The following PSMD9 variants were observed in gnomAD, a reference collection of about 807,000 sequenced individuals.
PSMD9 encodes 26S proteasome non-ATPase regulatory subunit 9.
A neutral mutation model predicts 25.9 loss-of-function variants in PSMD9; 26 were observed. The ratio of observed to expected loss-of-function variants is 1.00; its 90% confidence interval spans 0.73 to 1.39. The LOEUF (loss-of-function observed/expected upper bound fraction) is 1.39, where lower values mean the gene tolerates loss of function less well. Among genes scored for constraint, PSMD9 ranks in the 40% most tolerant of loss-of-function variants. The pLI is 0.00. For missense variants in PSMD9, 303 were observed against 299.3 expected (o/e 1.01, Z -0.09); for synonymous variants, 110 against 114.5 (o/e 0.96, Z 0.25).
chr12:121,893,834 C>T (rs1196863121), intron 1 of PSMD9: 6 of 152,222 alleles, frequency 3.9e-5, no homozygotes, highest in Admixed American at 2.6e-4. Flanking sequence ...GGGGTTAGCT[C>T]GTGGTTATCT....
Position 121,903,030 on chromosome 12 carries a change from G to T in PSMD9, c.478G>T (p.Val160Leu), listed in dbSNP as rs1460886394. The T allele has an allele frequency of 1.2e-5, 20 of 1,613,982 alleles. No individual in the cohort carries two copies. Among genetic ancestry groups the T allele is most frequent in the Non-Finnish European group, 1.6e-5 (19 of 1,179,982 alleles). ...IAGLQVDDEIVEFGSVNTQNF... is the reference protein window; with the variant it reads ...IAGLQVDDEILEFGSVNTQNF... ...GGGTCTGCAAGTGGATGATGAGATTGTGGAGTTCGGCTCTGTGAACACCCA... is the reference window on the plus strand; with the variant it reads ...GGGTCTGCAAGTGGATGATGAGATTTTGGAGTTCGGCTCTGTGAACACCCA... The change falls in exon 4 of 6, where the codon GTG (valine) becomes TTG (leucine). Residue 160 changes from valine (V) to leucine (L), a missense_variant. Val to Leu is a conservative substitution (Grantham distance 32). Transcript: ENST00000541212.
At chr12:121,903,237 A>C (rs1592945523) in intron 4 of PSMD9, 130 bp downstream of exon 4, 38 of 806,898 alleles carry the variant, frequency 4.7e-5, no homozygotes. Context: ...AGATCCAGGC[A>C]CCAGCCAATT....
At chr12:121,901,151 G>T (rs1354317694) in intron 3 of PSMD9, among the ~76,000 whole-genome samples, 2 of 151,990 alleles carry the variant, frequency 1.3e-5, no homozygotes, top group Non-Finnish European at 2.9e-5. Context: ...CATTGTCATT[G>T]TCTTGTAAAG....
intron 4 of PSMD9, among the ~76,000 whole-genome samples, chr12:121,903,961 T>A (rs1024993585): frequency 1.3e-5 from 2 of 151,940 alleles, no homozygotes; most frequent in African/African-American, 2.4e-5. Flanking sequence ...CCCAGGAAAA[T>A]TATTAACTAA....
At chr12:121,898,145 C>T (rs995811193) in intron 2 of PSMD9, 7 of 152,172 alleles carry the variant, frequency 4.6e-5, no homozygotes, top group Admixed American at 2.6e-4. Flanking sequence ...CCCACATCTG[C>T]TCCTGTGGGT....
At chr12:121,901,362 G>A (rs1879389325) in intron 3 of PSMD9, among the ~76,000 whole-genome samples, 1 of 151,964 alleles carries the variant, frequency 6.6e-6, no homozygotes, top group Non-Finnish European at 1.5e-5. Flanking sequence ...TGCTTCATTT[G>A]TTTACAGACA....
At chr12:121,909,016 G>A (rs1879639923) in intron 4 of PSMD9, among the ~76,000 whole-genome samples, 1 of 150,674 alleles carries the variant, frequency 6.6e-6, no homozygotes, top group East Asian at 1.9e-4. Context: ...GTTCCAGATT[G>A]GGGTGTGACA....
chr12:121,899,485 T>A (rs1473135755), intron 2 of PSMD9, 149 bp from the exon 3 acceptor site: 1 of 683,188 alleles, frequency 1.5e-6, no homozygotes, highest in Non-Finnish European at 2.5e-6. Context: ...CATGAGGGAA[T>A]GTCCTCTGTC....
intron 3 of PSMD9, among the ~76,000 whole-genome samples, chr12:121,901,709 T>G (rs1378748130): frequency 1.5e-5 from 2 of 132,708 alleles, no homozygotes; most frequent in African/African-American, 6.1e-5. Context: ...GGAGTCTCGC[T>G]CTGTCGCCCA....
chr12:121,890,756 G>T (rs1288828493), intron 1 of PSMD9, among the ~76,000 whole-genome samples: 1 of 152,124 alleles, frequency 6.6e-6, no homozygotes, highest in Non-Finnish European at 1.5e-5. Flanking sequence ...ACAGGCATGA[G>T]CCACAGTGCC....
intron 1 of PSMD9, chr12:121,894,406 C>T (rs537689031): frequency 6.8e-4 from 151 of 221,878 alleles, no homozygotes; most frequent in African/African-American, 2.8e-3. Context: ...GTGTCAGCCA[C>T]CTGTGGGAAG....
At chr12:121,906,265 G>T (rs1234957529) in intron 4 of PSMD9, among the ~76,000 whole-genome samples, 1 of 152,120 alleles carries the variant, frequency 6.6e-6, no homozygotes, top group Non-Finnish European at 1.5e-5. Flanking sequence ...GGATGGAGAA[G>T]GTCGTGTGTT....
intron 1 of PSMD9, among the ~76,000 whole-genome samples, chr12:121,892,788 G>A (rs958207100): frequency 2.0e-5 from 3 of 152,064 alleles, no homozygotes; most frequent in Non-Finnish European, 4.4e-5. Flanking sequence ...GAGACAGATC[G>A]CTTGAACCCA....
At chr12:121,902,933 T>A (rs1469306731) in intron 3 of PSMD9, 73 bp from the exon 4 acceptor site, 7 of 1,188,404 alleles carry the variant, frequency 5.9e-6, no homozygotes, top group Non-Finnish European at 8.8e-6. Context: ...TTAAATTGGG[T>A]ATTGAAGGTT....
chr12:121,904,639 TTTATTATTATTA>T (rs71082909), intron 4 of PSMD9, among the ~76,000 whole-genome samples: 36,457 of 138,808 alleles, frequency 0.26, 5,934 homozygotes, highest in East Asian at 0.51. Context: ...CCATCTGAAA[TTTATTATTATTA>T]TTATTATTAT....
At position 121,911,530 on chromosome 12, in the gene PSMD9, G is replaced by T. The variant is rs116549484; in HGVS notation, c.556-4326G>T. 5.2e-3 allele frequency among the ~76,000 whole-genome samples: 786 copies of T among 152,202 alleles called. 9 individuals carry two copies. Among genetic ancestry groups the T allele is most frequent in the African/African-American group, 0.018 (757 of 41,538 alleles). On this transcript the variant is annotated intron_variant, in intron 4 of 5. Coordinates refer to ENST00000541212, the MANE Select transcript of PSMD9 (RefSeq NM_002813.7). ...TGTGAACAATGCTGCTTTGAACATG[G>T]TTGTAGCAATATCTGTTCAAATCTC... is the stretch of plus-strand genomic sequence containing the variant.
At chr12:121,908,700 A>C (rs757575260) in intron 4 of PSMD9, among the ~76,000 whole-genome samples, 1 of 152,186 alleles carries the variant, frequency 6.6e-6, no homozygotes, top group Non-Finnish European at 1.5e-5. Flanking sequence ...AGTGTTAAGA[A>C]GCTCAGAGAG....
At chr12:121,901,102 G>C (rs1879382899) in intron 3 of PSMD9, among the ~76,000 whole-genome samples, 1 of 151,734 alleles carries the variant, frequency 6.6e-6, no homozygotes, top group Non-Finnish European at 1.5e-5. Context: ...TGGGATTATA[G>C]GCATGAGCCA....
intron 4 of PSMD9, among the ~76,000 whole-genome samples, chr12:121,909,749 ATG>A (rs2135730069): frequency 6.6e-6 from 1 of 152,158 alleles, no homozygotes; most frequent in African/African-American, 2.4e-5. Flanking sequence ...TGATCCCACC[ATG>A]TTCCATTGGT....
Sources: allele counts gnomAD v4.1 joint callset (sites outside exome capture counted in the v4.1 genomes callset), GRCh38; gene constraint gnomAD v4.1.1; transcripts MANE v1.5; gene names NCBI Gene and HGNC (gene_info 2026-07-23, HGNC 2026-07-21).